The following SMU1 variants were observed in gnomAD, a reference collection of about 807,000 sequenced individuals.
SMU1 encodes SMU1 DNA replication regulator and spliceosomal factor.
In SMU1, 2 loss-of-function variants were observed where a neutral mutation model predicts 62.0. That is an observed-to-expected ratio of 0.03 (90% CI 0.01 to 0.10). The LOEUF (loss-of-function observed/expected upper bound fraction) is 0.10, where lower values mean the gene tolerates loss of function less well. Among genes scored for constraint, SMU1 ranks in the 10% least tolerant of loss-of-function variants. The pLI is 1.00. For missense variants in SMU1, 227 were observed against 622.1 expected (o/e 0.36, Z 6.76); for synonymous variants, 188 against 212.4 (o/e 0.89, Z 1.00).
At chr9:33,048,050 A>C in intron 11 of SMU1, 56 bp downstream of exon 11, 1 of 1,551,160 alleles carries the variant, frequency 6.4e-7, no homozygotes, top group Admixed American at 1.7e-5. Context: ...TTCAGAGTTC[A>C]GAAAGACACA....
intron 6 of SMU1, 68 bp from the exon 7 acceptor site, chr9:33,057,782 A>G: frequency 1.3e-6 from 2 of 1,593,662 alleles, no homozygotes; most frequent in Admixed American, 1.7e-5. Flanking sequence ...CTACAAACTC[A>G]CAAAAACCAG....
At chr9:33,072,108 C>T (rs1299113174) in intron 2 of SMU1, among the ~76,000 whole-genome samples, 3 of 151,888 alleles carry the variant, frequency 2.0e-5, no homozygotes, top group Admixed American at 6.6e-5. Flanking sequence ...CCAAGATGGG[C>T]GGATCACTTG....
intron 8 of SMU1, among the ~76,000 whole-genome samples, chr9:33,056,578 A>T (rs1287634943): frequency 1.3e-5 from 2 of 152,212 alleles, no homozygotes; most frequent in African/African-American, 2.4e-5. Flanking sequence ...TGATGCAGGT[A>T]GGTCCATAAG....
At chr9:33,064,166 A>C (rs888727313) in intron 4 of SMU1, among the ~76,000 whole-genome samples, 4 of 152,144 alleles carry the variant, frequency 2.6e-5, no homozygotes, top group Non-Finnish European at 4.4e-5. Context: ...GCATGATCAC[A>C]ACTCACTGCA....
At position 33,046,713 on chromosome 9, in the gene SMU1, A is replaced by G. The variant is rs1379122030; in HGVS notation, c.*580T>C. The G allele has an allele frequency of 2.6e-5, 4 of 152,480 alleles. No individual in the cohort carries two copies. Among genetic ancestry groups the G allele is most frequent in the African/African-American group, 9.6e-5 (4 of 41,548 alleles). 9.4% of individuals were successfully genotyped at this position (152,480 alleles called of 1,614,324 possible). On this transcript the variant is annotated 3_prime_UTR_variant, in exon 12 of 12. Coordinates refer to ENST00000397149, the MANE Select transcript of SMU1 (RefSeq NM_018225.3). ...TGAGACCAGCCTGGCCAACATGGTG[A>G]AACCCCATCTCTACTAAAAATACAA...
chr9:33,075,091 TATAGGCCGGC>T (rs1839530831), intron 1 of SMU1, among the ~76,000 whole-genome samples: 1 of 152,106 alleles, frequency 6.6e-6, no homozygotes, highest in South Asian at 2.1e-4. Flanking sequence ...TAAAAACAAC[TATAGGCCGGC>T]CGCGGTGGCT....
chr9:33,072,188 T>A (rs1224918738), intron 2 of SMU1, among the ~76,000 whole-genome samples: 1 of 151,898 alleles, frequency 6.6e-6, no homozygotes, highest in African/African-American at 2.4e-5. Context: ...ACAAAAAAAA[T>A]TAGCTGGGTG....
chr9:33,073,544 G>A (rs1435413994), intron 2 of SMU1, 52 bp downstream of exon 2: 10 of 1,359,126 alleles, frequency 7.4e-6, no homozygotes, highest in Middle Eastern at 2.5e-4. Flanking sequence ...TAGTTGGGGA[G>A]CTGGCCCACA....
intron 1 of SMU1, among the ~76,000 whole-genome samples, chr9:33,076,011 T>C (rs1392448829): frequency 6.6e-6 from 1 of 152,178 alleles, no homozygotes; most frequent in East Asian, 1.9e-4. Flanking sequence ...AGCTAGTTGT[T>C]CATTCATTCC....
intron 4 of SMU1, among the ~76,000 whole-genome samples, chr9:33,063,078 G>A (rs550740740): frequency 2.3e-4 from 35 of 152,238 alleles, no homozygotes; most frequent in African/African-American, 7.2e-4. Flanking sequence ...GCCTAATTCG[G>A]GGGCCAAGCA....
chr9:33,047,388 G>A lies in SMU1; in HGVS notation c.1447C>T (p.His483Tyr). The A allele has an allele frequency of 6.2e-7, 1 of 1,613,376 alleles. No individual in the cohort carries two copies. ...TGKLERTLTV[H>Y]EKDVIGIAHH... ...GCAATACCAATCACATCCTTCTCGT[G>A]CACCTGGAACATGTAAAGCACAGGG... Residue 483 changes from histidine to tyrosine, a missense_variant, in exon 12 of 12, where the codon CAC becomes TAC. This residue lies in a region of SMU1 where 25 missense variants were observed against 116.2 expected (regional missense o/e 0.22). Transcript: ENST00000397149.
intron 1 of SMU1, among the ~76,000 whole-genome samples, chr9:33,075,129 C>T (rs1190101974): frequency 6.6e-6 from 1 of 152,032 alleles, no homozygotes; most frequent in Non-Finnish European, 1.5e-5. Flanking sequence ...GTAATCTCAC[C>T]ACTTTGGAAG....
At chr9:33,054,468 C>T (rs984359219) in intron 9 of SMU1, among the ~76,000 whole-genome samples, 1 of 152,182 alleles carries the variant, frequency 6.6e-6, no homozygotes, top group African/African-American at 2.4e-5. Flanking sequence ...TGTTAGCACA[C>T]ACACATGAGG....
rs148967062 is a variant in SMU1 at position 33,070,955 on chromosome 9, T to C, written c.390+785A>G. On this transcript the variant is annotated intron_variant, in intron 3 of 11. Transcript: ENST00000397149. The stretch of plus-strand genomic sequence containing the variant: ...ATAAAGAATAAATAAGAAATAGTAT[T>C]TGATAGCACAACAGGGTGACTATAG... 6.6e-3 allele frequency among the ~76,000 whole-genome samples: 1,003 copies of C among 152,254 alleles called. 11 individuals carry two copies. The highest frequency in any genetic ancestry group is 0.023 in the African/African-American group (938 of 41,544).
chr9:33,053,432 A>T, intron 9 of SMU1, 142 bp from the exon 10 acceptor site: 1 of 793,242 alleles, frequency 1.3e-6, no homozygotes, highest in Non-Finnish European at 2.0e-6. Flanking sequence ...TTTAGGTCCA[A>T]TCAAATACCC....
In SMU1 at chr9:33,053,046, G is replaced by T; in HGVS notation, c.1290+77C>A. On this transcript the variant is annotated intron_variant, in intron 10 of 11. Coordinates refer to ENST00000397149, the MANE Select transcript of SMU1 (RefSeq NM_018225.3). Reference sequence around the variant, plus strand: ...ATGAACCCAAATTTGGTTATTGGGAGGGTGGGCCTGGACCAGGAAGTGCTG... The same window carrying T: ...ATGAACCCAAATTTGGTTATTGGGATGGTGGGCCTGGACCAGGAAGTGCTG... The T allele has an allele frequency of 5.1e-6, 7 of 1,369,772 alleles. No individual in the cohort carries two copies. The South Asian group carries it at 7.4e-5, about 15-fold the overall frequency. The allele number at this position is 1,369,772 out of a possible 1,614,324, so 84.9% of individuals were successfully genotyped here. A position where few individuals can be genotyped will look rare whatever the true frequency, so the allele number is the denominator to read the frequency against.
At chr9:33,058,659 C>T (rs1172326085) in intron 6 of SMU1, among the ~76,000 whole-genome samples, 1 of 152,022 alleles carries the variant, frequency 6.6e-6, no homozygotes, top group African/African-American at 2.4e-5. Context: ...TAGTAAATAG[C>T]TATATGGGGA....
chr9:33,042,885 G>C lies in SMU1; in HGVS notation c.*4408C>G, dbSNP rs545002969. 6.6e-6 allele frequency: 1 copy of C among 152,286 alleles called. No individual in the cohort carries two copies. Among genetic ancestry groups the C allele is most frequent in the Non-Finnish European group, 1.5e-5 (1 of 68,136 alleles). The allele number at this position is 152,286 out of a possible 1,614,324, so 9.4% of individuals were successfully genotyped here. A position where few individuals can be genotyped will look rare whatever the true frequency, so the allele number is the denominator to read the frequency against. On this transcript the variant is annotated 3_prime_UTR_variant, in exon 12 of 12. Transcript: ENST00000397149. ...AAGTCTTGCTCTGTCACCCAGGCTG[G>C]AGTGCAGTGGCACAGTCTCAGCTCA...
At chr9:33,056,785 T>A in intron 8 of SMU1, 52 bp downstream of exon 8, 2 of 1,587,322 alleles carry the variant, frequency 1.3e-6, no homozygotes, top group Non-Finnish European at 1.7e-6. Flanking sequence ...CCTCCCTCCA[T>A]GGCCTCATTA....
Sources: gnomAD v4.1 joint callset for allele counts (sites outside exome capture counted in the v4.1 genomes callset) on GRCh38, gnomAD v4.1.1 for gene constraint, gnomAD v4.1.1 regional missense constraint, MANE v1.5 for transcripts, NCBI Gene and HGNC (gene_info 2026-07-23, HGNC 2026-07-21) for gene names.